ARID5B: variants seen among roughly 807,000 people sequenced by gnomAD.
ARID5B encodes AT-rich interactive domain-containing protein 5B.
ARID5B carries 13 observed loss-of-function variants against 97.2 expected under a neutral mutation model. That is an observed-to-expected ratio of 0.13 (90% CI 0.09 to 0.21). ARID5B has a LOEUF of 0.21. ARID5B is among the 10% of genes least tolerant of loss of function. The pLI is 1.00. For missense variants in ARID5B, 1,210 were observed against 1,465.3 expected, an observed-to-expected ratio of 0.83 and a Z score of 2.84; for synonymous variants, 556 against 570.3, an observed-to-expected ratio of 0.97 and a Z score of 0.36.
intron 2 of ARID5B, among the ~76,000 whole-genome samples, chr10:61,931,733 T>C (rs1844213619): frequency 6.6e-6 from 1 of 152,202 alleles, no homozygotes; most frequent in Non-Finnish European, 1.5e-5. Context: ...CTGAAGAAGA[T>C]GTTTGACATC....
chr10:61,951,598 C>T (rs958920414), intron 3 of ARID5B, among the ~76,000 whole-genome samples: 3 of 152,084 alleles, frequency 2.0e-5, no homozygotes, highest in African/African-American at 7.2e-5. Flanking sequence ...AAGTAACTTT[C>T]ATTATTGTTA....
At chr10:61,930,774 G>C (rs1844196419) in intron 2 of ARID5B, among the ~76,000 whole-genome samples, 1 of 120,684 alleles carries the variant, frequency 8.3e-6, no homozygotes, top group African/African-American at 3.1e-5. Flanking sequence ...TCTATGCTCA[G>C]GACTCTTCTC....
chr10:62,061,452 C>T (rs909454193), intron 7 of ARID5B, among the ~76,000 whole-genome samples: 3 of 151,848 alleles, frequency 2.0e-5, no homozygotes, highest in African/African-American at 2.4e-5. Flanking sequence ...GACAAGTGGC[C>T]CTGAAGGGAA....
At position 61,957,564 on chromosome 10, in the gene ARID5B, C is replaced by T. The variant is rs539356762; in HGVS notation, c.502+17156C>T. 2.6e-5 allele frequency among the ~76,000 whole-genome samples: 4 copies of T among 152,324 alleles called. No homozygotes were observed. The South Asian group carries it at 6.2e-4, about 24-fold the overall frequency. The stretch of plus-strand genomic sequence containing the variant: ...GATTACAGGCGCAAGCCACTGCGCC[C>T]GGCCTGTCTTGGCATTTTAACTGTC... On this transcript the variant is annotated intron_variant, in intron 3 of 9. Transcript: ENST00000279873.
At chr10:61,950,862 A>G (rs937579109) in intron 3 of ARID5B, among the ~76,000 whole-genome samples, 1 of 152,218 alleles carries the variant, frequency 6.6e-6, no homozygotes, top group African/African-American at 2.4e-5. Flanking sequence ...CCATTATTAC[A>G]GCTGCTATCA....
intron 7 of ARID5B, among the ~76,000 whole-genome samples, chr10:62,062,347 G>C (rs965260818): frequency 2.0e-5 from 3 of 152,194 alleles, no homozygotes; most frequent in Non-Finnish European, 2.9e-5. Flanking sequence ...CAAGAATAGG[G>C]CTCATGTTTT....
chr10:62,038,761 T>G (rs1007990300), intron 4 of ARID5B, among the ~76,000 whole-genome samples: 1 of 152,238 alleles, frequency 6.6e-6, no homozygotes, highest in African/African-American at 2.4e-5. Context: ...TGTTGTCACC[T>G]GTATTGGAGT....
At chr10:61,920,658 C>T (rs1261335166) in intron 2 of ARID5B, among the ~76,000 whole-genome samples, 1 of 152,116 alleles carries the variant, frequency 6.6e-6, no homozygotes, top group African/African-American at 2.4e-5. Context: ...TTGGAATTCT[C>T]ATATGGTAGT....
intron 2 of ARID5B, among the ~76,000 whole-genome samples, chr10:61,939,170 A>C (rs1440455280): frequency 6.6e-6 from 1 of 152,128 alleles, no homozygotes; most frequent in Non-Finnish European, 1.5e-5. Context: ...TTGTAATCTT[A>C]GGGGTTTTCA....
intron 2 of ARID5B, among the ~76,000 whole-genome samples, chr10:61,932,903 C>G (rs1248769488): frequency 6.6e-6 from 1 of 152,014 alleles, no homozygotes; most frequent in Non-Finnish European, 1.5e-5. Flanking sequence ...TGAGAGCAAC[C>G]TAAGCAACAC....
Position 62,000,423 on chromosome 10 carries a change from C to A in ARID5B, c.733+102C>A. 8.9e-7 allele frequency: 1 copy of A among 1,128,644 alleles called. No homozygotes were observed. Among genetic ancestry groups the A allele is most frequent in the Admixed American group, 2.4e-5 (1 of 42,144 alleles). 69.9% of individuals were successfully genotyped at this position (1,128,644 alleles called of 1,614,324 possible). ...TGATGGGGAACGGGGCTCACTTTCA[C>A]AAGCCCCATGTGCTGCCCCACCCCT... On this transcript the variant is annotated intron_variant, in intron 4 of 9. Transcript: ENST00000279873. The surrounding 1 kb of genome is among the most constrained non-coding windows in gnomAD (Gnocchi z 4.4).
intron 1 of ARID5B, 127 bp downstream of exon 1, chr10:61,901,857 A>AT: frequency 1.4e-6 from 1 of 728,640 alleles, no homozygotes. Flanking sequence ...TACCCTCTGC[A>AT]TCCCCCAAAA....
Position 61,917,635 on chromosome 10 carries a change from C to A in ARID5B, c.276+15222C>A, listed in dbSNP as rs186073191. 6.6e-5 allele frequency among the ~76,000 whole-genome samples: 10 copies of A among 152,326 alleles called. No individual in the cohort carries two copies. The East Asian group carries it at 1.9e-3, about 29-fold the overall frequency. ...CTGTCCAGATGTGGCCCACAGGCTGCCACCTTGCCATCTCTAGAGCAAAGC... is the reference window on the plus strand; with the variant it reads ...CTGTCCAGATGTGGCCCACAGGCTGACACCTTGCCATCTCTAGAGCAAAGC... On this transcript the variant is annotated intron_variant, in intron 2 of 9. Transcript: ENST00000279873.
chr10:62,096,689 G>A lies in ARID5B; in HGVS notation c.*3659G>A, dbSNP rs2132994533. 1 of 233,442 alleles carries A rather than the reference G, an allele frequency of 4.3e-6. No individual in the cohort carries two copies. Among genetic ancestry groups the A allele is most frequent in the African/African-American group, 2.2e-5 (1 of 45,418 alleles). 14.5% of individuals were successfully genotyped at this position (233,442 alleles called of 1,614,324 possible). Reference sequence around the variant, plus strand: ...TCTGTAAGGTGATTATTTGTATATAGCAACATGGCCCAGTGATATTATATA... The same window carrying A: ...TCTGTAAGGTGATTATTTGTATATAACAACATGGCCCAGTGATATTATATA... On this transcript the variant is annotated 3_prime_UTR_variant, in exon 10 of 10. Transcript: ENST00000279873.
intron 2 of ARID5B, among the ~76,000 whole-genome samples, chr10:61,925,956 G>A (rs1481860438): frequency 6.6e-6 from 1 of 151,982 alleles, no homozygotes; most frequent in Non-Finnish European, 1.5e-5. Context: ...AAAATTCATC[G>A]AGCCACAGGC....
At chr10:61,926,489 C>T (rs1844107637) in intron 2 of ARID5B, among the ~76,000 whole-genome samples, 1 of 152,164 alleles carries the variant, frequency 6.6e-6, no homozygotes, top group Non-Finnish European at 1.5e-5. Flanking sequence ...CTATTAAATT[C>T]GTAGACTAGT....
At chr10:62,045,452 T>A (rs890915730) in intron 4 of ARID5B, among the ~76,000 whole-genome samples, 5 of 151,520 alleles carry the variant, frequency 3.3e-5, no homozygotes, top group Admixed American at 2.0e-4. Flanking sequence ...AGGGTATTTT[T>A]TTTTTTTTTT....
In ARID5B at chr10:62,091,691, A is replaced by G. The variant is rs746487974; in HGVS notation, c.2228A>G (p.His743Arg). Residue 743 changes from histidine to arginine, a missense_variant, in exon 10 of 10, where the codon CAT (histidine) becomes CGT (arginine). By Grantham distance (29) the His-to-Arg change is conservative (BLOSUM62 0). Transcript: ENST00000279873. ...ACCCACCATGGCCAAAGCACTGACC[A>G]TATGGCGGTCAGCCGGCCATCAGTG... ...SQTHHGQSTDHMAVSRPSVIQ... is the reference protein window; with the variant it reads ...SQTHHGQSTDRMAVSRPSVIQ... The G allele has an allele frequency of 1.2e-6, 2 of 1,614,186 alleles. No homozygotes were observed. Among genetic ancestry groups the G allele is most frequent in the Non-Finnish European group, 1.7e-6 (2 of 1,180,036 alleles).
At position 62,096,637 on chromosome 10, in the gene ARID5B, G is replaced by C. The variant is rs940552074; in HGVS notation, c.*3607G>C. The C allele has an allele frequency of 4.3e-6, 1 of 233,276 alleles. No homozygotes were observed. The highest frequency in any genetic ancestry group is 5.6e-5 in the Admixed American group (1 of 17,764). 14.5% of individuals were successfully genotyped at this position (233,276 alleles called of 1,614,324 possible). A position where few individuals can be genotyped will look rare whatever the true frequency, so the allele number is the denominator to read the frequency against. On this transcript the variant is annotated 3_prime_UTR_variant, in exon 10 of 10. Transcript: ENST00000279873. ...GTGTTGTAAATATTGTATACTTTTG[G>C]TGATTCCAGCTATGTAACCTCTATG...
Sources: gnomAD v4.1 joint callset for allele counts (sites outside exome capture counted in the v4.1 genomes callset) on GRCh38, gnomAD v4.1.1 for gene constraint, Gnocchi (gnomAD v3.1) non-coding constraint, MANE v1.5 for transcripts, NCBI Gene and HGNC (gene_info 2026-07-23, HGNC 2026-07-21) for gene names.